ARHGAP11B: variants seen among roughly 807,000 people sequenced by gnomAD.
The protein encoded by ARHGAP11B is inactive Rho GTPase-activating protein 11B.
Under a neutral mutation model 27.6 loss-of-function variants are expected in ARHGAP11B, and 14 were observed. That is an observed-to-expected ratio of 0.51 (90% CI 0.34 to 0.79). The LOEUF (loss-of-function observed/expected upper bound fraction) is 0.79, where lower values mean the gene tolerates loss of function less well. Among genes scored for constraint, ARHGAP11B ranks in the 30% least tolerant of loss-of-function variants. ARHGAP11B has a pLI of 0.02. For synonymous variants in ARHGAP11B, 82 were observed against 114.1 expected (o/e 0.72, Z 1.80); for missense variants, 245 against 320.1 (o/e 0.77, Z 1.79).
At chr15:30,637,849 T>C (rs2060291094) in intron 6 of ARHGAP11B, among the ~76,000 whole-genome samples, 1 of 145,996 alleles carries the variant, frequency 6.8e-6, no homozygotes, top group Non-Finnish European at 1.5e-5. Context: ...AGACGGAGTC[T>C]GTCTTTGTCA....
At position 30,638,808 on chromosome 15, in the gene ARHGAP11B, C is replaced by G. The variant is rs967796456; in HGVS notation, c.*66C>G. ...CAGAACACCTTCTATTACACCTCAA[C>G]AAGAAAGAATTGGTAGGTATTTATT... On this transcript the variant is annotated 3_prime_UTR_variant, in exon 7 of 11. Coordinates refer to ENST00000428041, the Ensembl canonical transcript of ARHGAP11B. 8.1e-5 allele frequency: 116 copies of G among 1,435,192 alleles called. 2 individuals are homozygous for G. The highest frequency in any genetic ancestry group is 5.5e-4 in the Admixed American group (21 of 38,490). The allele number at this position is 1,435,192 out of a possible 1,614,324, so 88.9% of individuals were successfully genotyped here.
intron 1 of ARHGAP11B, among the ~76,000 whole-genome samples, chr15:30,628,325 C>T (rs1336510351): frequency 6.6e-6 from 1 of 151,942 alleles, no homozygotes; most frequent in Admixed American, 6.6e-5. Flanking sequence ...TCGTGATCCG[C>T]CCGCCTCGGC....
chr15:30,626,634 G>A lies in ARHGAP11B; in HGVS notation c.-187G>A. ...GGCTAAGAGAAGCGGGTCTGTGTAA[G>A]TGGATGTGAGTGAGGATCAAGGAAA... On this transcript the variant is annotated 5_prime_UTR_variant, in exon 1 of 11. It adds an upstream start codon to the 5' untranslated region. Transcript: ENST00000428041. 4.1e-6 allele frequency: 3 copies of A among 738,904 alleles called. No individual in the cohort carries two copies. Among genetic ancestry groups the A allele is most frequent in the Non-Finnish European group, 6.5e-6 (3 of 459,106 alleles). The allele number at this position is 738,904 out of a possible 1,614,324, so 45.8% of individuals were successfully genotyped here.
intron 6 of ARHGAP11B, among the ~76,000 whole-genome samples, chr15:30,636,680 G>T (rs2060281694): frequency 6.6e-6 from 1 of 152,144 alleles, no homozygotes; most frequent in African/African-American, 2.4e-5. Flanking sequence ...CGTTCTGGAG[G>T]CCAGAAGTCT....
chr15:30,635,300 C>G (rs2060272542), intron 5 of ARHGAP11B, 112 bp downstream of exon 5: 1 of 1,506,850 alleles, frequency 6.6e-7, no homozygotes, highest in Admixed American at 1.9e-5. Flanking sequence ...ATCTCTGTTT[C>G]TTTCAAAGGA....
intron 7 of ARHGAP11B, among the ~76,000 whole-genome samples, chr15:30,643,627 A>G (rs963290237): frequency 6.6e-6 from 1 of 152,030 alleles, no homozygotes; most frequent in Non-Finnish European, 1.5e-5. Context: ...CAAGTCCTTG[A>G]CACTTTGAAG....
chr15:30,643,449 T>A (rs1247843880), intron 7 of ARHGAP11B, among the ~76,000 whole-genome samples: 1 of 151,894 alleles, frequency 6.6e-6, no homozygotes, highest in East Asian at 1.9e-4. Flanking sequence ...TGGCTAAGTT[T>A]TGTAGTTTTA....
chr15:30,648,006 C>A (rs979299966), intron 10 of ARHGAP11B, among the ~76,000 whole-genome samples: 1 of 151,776 alleles, frequency 6.6e-6, no homozygotes, highest in Non-Finnish European at 1.5e-5. Context: ...TCTATGTTGC[C>A]CAGGCTGGTT....
In ARHGAP11B at chr15:30,626,589, G is replaced by A. The variant is rs542660204; in HGVS notation, c.-232G>A. 6.5e-5 allele frequency: 36 copies of A among 554,738 alleles called. 1 individual carries two copies. In the East Asian group the frequency reaches 1.1e-3, roughly 17 times the overall value. The allele number at this position is 554,738 out of a possible 1,614,324, so 34.4% of individuals were successfully genotyped here. On this transcript the variant is annotated 5_prime_UTR_variant, in exon 1 of 11. Coordinates refer to ENST00000428041, the Ensembl canonical transcript of ARHGAP11B. ...AGGTCGCTGTAAGTGAAGGAAGAGTGAGGTGTGGCTGGATCAAAGGGCTAA... is the reference window on the plus strand; with the variant it reads ...AGGTCGCTGTAAGTGAAGGAAGAGTAAGGTGTGGCTGGATCAAAGGGCTAA...
At chr15:30,628,302 C>T (rs1378677693) in intron 1 of ARHGAP11B, among the ~76,000 whole-genome samples, 1 of 151,832 alleles carries the variant, frequency 6.6e-6, no homozygotes, top group African/African-American at 2.4e-5. Flanking sequence ...AGGATGGTCT[C>T]GATCTCCTGC....
intron 8 of ARHGAP11B, chr15:30,644,783 T>A: frequency 5.1e-6 from 6 of 1,174,944 alleles, no homozygotes; most frequent in Non-Finnish European, 7.6e-6. Flanking sequence ...AAATGGAATA[T>A]TTGTATGTGA....
At chr15:30,644,612 A>C in intron 7 of ARHGAP11B, 1 of 1,488,190 alleles carries the variant, frequency 6.7e-7, no homozygotes, top group Non-Finnish European at 9.3e-7. Flanking sequence ...AAATTGTCTC[A>C]AAAGGTTTTA....
chr15:30,637,304 C>T (rs550024172), intron 6 of ARHGAP11B, among the ~76,000 whole-genome samples: 1 of 152,152 alleles, frequency 6.6e-6, no homozygotes, highest in South Asian at 2.1e-4. Context: ...ATTCCATTTT[C>T]TTCTAACAGC....
chr15:30,639,964 AAT>A (rs1170850644), intron 7 of ARHGAP11B, among the ~76,000 whole-genome samples: 9 of 131,544 alleles, frequency 6.8e-5, no homozygotes, highest in African/African-American at 2.4e-4. Context: ...ACAGTGTTTC[AAT>A]ATAGAGTGTG....
chr15:30,648,337 A>C (rs1370584376), exon 11 of ARHGAP11B, among the ~76,000 whole-genome samples: 1 of 152,028 alleles, frequency 6.6e-6, no homozygotes, highest in African/African-American at 2.4e-5. Flanking sequence ...ACCGTAGATC[A>C]AGTGTTAGAA....
chr15:30,626,890 A>G lies in ARHGAP11B; in HGVS notation c.70A>G (p.Lys24Glu), dbSNP rs781322187. The G allele has an allele frequency of 2.5e-6, 4 of 1,613,492 alleles. No individual in the cohort carries two copies. The East Asian group carries it at 8.9e-5, about 36-fold the overall frequency. The change falls in exon 1 of 11, where the codon AAG (lysine) becomes GAG (glutamate). Residue 24 changes from lysine (K) to glutamate (E), a missense_variant. This residue lies in a region of ARHGAP11B where 107 missense variants were observed against 121.9 expected (regional missense o/e 0.88). Transcript: ENST00000428041. ...GCGGGCCTTCTATGGTATTAAGGTGAAGGGTGTCCGTGGGCAGTGCGATCG... is the reference window on the plus strand; with the variant it reads ...GCGGGCCTTCTATGGTATTAAGGTGGAGGGTGTCCGTGGGCAGTGCGATCG...
chr15:30,641,338 CTT>C (rs561343093), intron 7 of ARHGAP11B, among the ~76,000 whole-genome samples: 16 of 142,610 alleles, frequency 1.1e-4, no homozygotes, highest in Admixed American at 1.4e-4. Context: ...ATAATTGTCT[CTT>C]TTTTTTTTTT....
At chr15:30,634,526 T>C (rs1008975440) in intron 4 of ARHGAP11B, 103 bp downstream of exon 4, 1 of 1,435,194 alleles carries the variant, frequency 7.0e-7, no homozygotes, top group African/African-American at 1.4e-5. Flanking sequence ...AAATTTTTCT[T>C]TAAAAATTCC....
chr15:30,630,516 A>G (rs939475940), intron 1 of ARHGAP11B, among the ~76,000 whole-genome samples, 187 bp from the exon 2 acceptor site: 8 of 152,018 alleles, frequency 5.3e-5, no homozygotes, highest in Non-Finnish European at 1.0e-4. Context: ...AGCACTCAGC[A>G]TACTATCTAA....
Sources: allele counts gnomAD v4.1 joint callset (sites outside exome capture counted in the v4.1 genomes callset), GRCh38; gene constraint gnomAD v4.1.1; regional missense constraint gnomAD v4.1.1; transcripts MANE v1.5; gene names NCBI Gene and HGNC (gene_info 2026-07-23, HGNC 2026-07-21).